Variants in LINGO2 observed in about 807,000 individuals in gnomAD.
The protein encoded by LINGO2 is leucine rich repeat and Ig domain containing 2, also known as leucine-rich repeat and immunoglobulin-like domain-containing nogo receptor-interacting protein 2.
A neutral mutation model predicts 30.6 loss-of-function variants in LINGO2; 14 were observed. The observed-to-expected ratio is 0.46, with a 90% CI of 0.30 to 0.72. The LOEUF is 0.72. Ranked by LOEUF, LINGO2 falls within the 30% of genes least tolerant of loss-of-function variation. The probability of loss-of-function intolerance (pLI) is 0.07; values close to 1 mark genes in which losing one functional copy is unlikely to be tolerated. For missense variants in LINGO2, 729 were observed against 751.7 expected (o/e 0.97, Z 0.35); for synonymous variants, 317 against 288.5 (o/e 1.10, Z -1.00).
chr9:28,623,605 G>C lies in LINGO2; in HGVS notation c.-365+46595C>G, dbSNP rs375068380. ...CTGTTTTGGTTAGTATAGCTCTGTAGTGTAATTTAAAGTTAGGTATTGTAA... is the reference window on the plus strand; with the variant it reads ...CTGTTTTGGTTAGTATAGCTCTGTACTGTAATTTAAAGTTAGGTATTGTAA... On this transcript the variant is annotated intron_variant, in intron 1 of 5. Transcript: ENST00000379992. Among the ~76,000 whole-genome samples the C allele has an allele frequency of 7.5e-4, 114 of 152,126 alleles. 1 individual carries two copies. The East Asian group carries it at 0.016, about 21-fold the overall frequency.
At chr9:28,817,247 A>AAG in the LINGO2 span, among the ~76,000 whole-genome samples, 4 of 146,822 alleles carry the variant, frequency 2.7e-5, no homozygotes, top group African/African-American at 9.7e-5. Context: ...TAAAAAAAAA[A>AAG]GGGGGATAGG....
the LINGO2 span, among the ~76,000 whole-genome samples, chr9:29,190,299 T>G: frequency 6.6e-6 from 1 of 152,142 alleles, no homozygotes; most frequent in Non-Finnish European, 1.5e-5. Flanking sequence ...ATTATAATAA[T>G]TAAATATTTT....
chr9:29,209,548 T>C, the LINGO2 span, among the ~76,000 whole-genome samples: 2 of 152,106 alleles, frequency 1.3e-5, no homozygotes, highest in Non-Finnish European at 2.9e-5. Flanking sequence ...TTTAGAAGCA[T>C]AACAGAAAAA....
At chr9:28,126,338 A>G (rs1477499374) in intron 4 of LINGO2, among the ~76,000 whole-genome samples, 1 of 152,162 alleles carries the variant, frequency 6.6e-6, no homozygotes, top group Non-Finnish European at 1.5e-5. Context: ...CATTTAGAAG[A>G]CTAGTCAAAG....
At chr9:28,888,417 G>T in the LINGO2 span, among the ~76,000 whole-genome samples, 1 of 151,850 alleles carries the variant, frequency 6.6e-6, no homozygotes, top group South Asian at 2.1e-4. Flanking sequence ...CATGAACAGA[G>T]AAAATATTTT....
At chr9:28,824,362 TG>T in the LINGO2 span, among the ~76,000 whole-genome samples, 1 of 152,150 alleles carries the variant, frequency 6.6e-6, no homozygotes, top group African/African-American at 2.4e-5. Context: ...AGTAGGCACA[TG>T]ATTAGGGCAA....
chr9:27,939,376 G>T, the LINGO2 span: 1 of 152,174 alleles, frequency 6.6e-6, no homozygotes, highest in Non-Finnish European at 1.5e-5. Flanking sequence ...ATTGAAACCA[G>T]CCCTGCGTTA....
the LINGO2 span, among the ~76,000 whole-genome samples, chr9:28,986,862 C>A: frequency 6.6e-6 from 1 of 151,842 alleles, no homozygotes; most frequent in African/African-American, 2.4e-5. Flanking sequence ...TTAAATAGTT[C>A]CCAATCCTAA....
chr9:28,135,568 A>G (rs527307298), intron 4 of LINGO2, among the ~76,000 whole-genome samples: 22 of 152,096 alleles, frequency 1.4e-4, no homozygotes, highest in African/African-American at 5.3e-4. Context: ...ATTCTTTTAA[A>G]CCTTTCAATG....
the LINGO2 span, among the ~76,000 whole-genome samples, chr9:29,205,500 T>C: frequency 6.6e-6 from 1 of 152,226 alleles, no homozygotes. Flanking sequence ...AATGTTTACA[T>C]CTATGTTCTG....
chr9:27,950,620 C>A (rs374343702), exon 6 of LINGO2: 4 of 1,517,084 alleles, frequency 2.6e-6, no homozygotes, highest in Non-Finnish European at 3.5e-6. Context: ...AAGATTAACA[C>A]CACAGCCAGA....
chr9:28,703,668 T>C, the LINGO2 span, among the ~76,000 whole-genome samples: 1 of 152,068 alleles, frequency 6.6e-6, no homozygotes, highest in East Asian at 1.9e-4. Flanking sequence ...GCCTGCTGGG[T>C]CTGTCCATTT....
At chr9:29,096,880 A>C in the LINGO2 span, among the ~76,000 whole-genome samples, 2 of 139,580 alleles carry the variant, frequency 1.4e-5, 1 homozygote, top group South Asian at 4.5e-4. Flanking sequence ...TTTCAACATT[A>C]TACTGATTTT....
chr9:28,339,118 C>A (rs1825683198), intron 3 of LINGO2, among the ~76,000 whole-genome samples: 2 of 152,200 alleles, frequency 1.3e-5, no homozygotes, highest in East Asian at 1.9e-4. Context: ...ACTCTTCAGT[C>A]ATAACAAAAT....
upstream of LINGO2, among the ~76,000 whole-genome samples, chr9:28,673,667 GATC>G (rs139919509): frequency 1.0e-3 from 150 of 147,142 alleles, 2 homozygotes; most frequent in Middle Eastern, 6.8e-3. Context: ...ACTCTGTCTC[GATC>G]ATCATCATCA....
intron 1 of LINGO2, among the ~76,000 whole-genome samples, chr9:28,519,093 T>TA (rs1820735161): frequency 6.6e-6 from 1 of 152,116 alleles, no homozygotes; most frequent in Non-Finnish European, 1.5e-5. Context: ...AGTGCGGTGG[T>TA]ATGATCATTG....
In LINGO2 at chr9:28,422,723, A is replaced by G. The variant is rs1181482994; in HGVS notation, c.-278-49855T>C. Among the ~76,000 whole-genome samples, 3 of 152,196 alleles carry G rather than the reference A, an allele frequency of 2.0e-5. No individual in the cohort carries two copies. In the East Asian group the frequency reaches 5.8e-4, roughly 29 times the overall value. On this transcript the variant is annotated intron_variant, in intron 2 of 5. Transcript: ENST00000379992. ...ATTTTGAAGAGACATTTGTATATCT[A>G]TGTTTATAGCAGTATTATTTACAAT...
the LINGO2 span, among the ~76,000 whole-genome samples, chr9:28,714,587 T>C: frequency 2.0e-5 from 3 of 152,108 alleles, no homozygotes; most frequent in Non-Finnish European, 4.4e-5. Flanking sequence ...CCTTTACTAT[T>C]AACGGCAGTC....
At chr9:28,633,156 T>G (rs1827082412) in intron 1 of LINGO2, among the ~76,000 whole-genome samples, 1 of 152,004 alleles carries the variant, frequency 6.6e-6, no homozygotes, top group African/African-American at 2.4e-5. Context: ...CTGACTAGAT[T>G]GTGCCCACCA....
Sources: allele counts gnomAD v4.1 joint callset (sites outside exome capture counted in the v4.1 genomes callset), GRCh38; gene constraint gnomAD v4.1.1; transcripts MANE v1.5; gene names NCBI Gene and HGNC (gene_info 2026-07-23, HGNC 2026-07-21).